The following IPO11 variants were observed in gnomAD, a reference collection of about 807,000 sequenced individuals.
IPO11 encodes the protein importin 11, also known as importin-11.
Under a neutral mutation model 143.2 loss-of-function variants are expected in IPO11, and 66 were observed. The observed-to-expected ratio is 0.46, with a 90% confidence interval of 0.38 to 0.57. The LOEUF (loss-of-function observed/expected upper bound fraction) is 0.57, where lower values mean the gene tolerates loss of function less well. IPO11 is among the 20% of genes least tolerant of loss of function. IPO11 has a pLI of 0.00. For synonymous variants in IPO11, 385 were observed against 377.8 expected, an observed-to-expected ratio of 1.02 and a Z score of -0.22; for missense variants, 1,026 against 1,141.0, an observed-to-expected ratio of 0.90 and a Z score of 1.45.
chr5:62,431,972 CGG>C (rs1744006280), intron 1 of IPO11, among the ~76,000 whole-genome samples: 1 of 149,914 alleles, frequency 6.7e-6, no homozygotes, highest in African/African-American at 2.4e-5. Context: ...TACATACATA[CGG>C]CATGCAGACC....
chr5:62,443,097 C>T lies in IPO11; in HGVS notation c.239+14C>T. ...TGTAGCACCTCAGTAAGTTCCATCACTTCCCCTATTCCTTGAGTATAATCC... is the reference window on the plus strand; with the variant it reads ...TGTAGCACCTCAGTAAGTTCCATCATTTCCCCTATTCCTTGAGTATAATCC... On this transcript the variant is annotated intron_variant, in intron 3 of 29. Transcript: ENST00000325324. 1 of 1,501,348 alleles carries T rather than the reference C, an allele frequency of 6.7e-7. No individual in the cohort carries two copies. The highest frequency in any genetic ancestry group is 1.2e-5 in the South Asian group (1 of 86,382). 93.0% of individuals were successfully genotyped at this position (1,501,348 alleles called of 1,614,324 possible).
At chr5:62,506,459 T>C (rs1741558759) in intron 19 of IPO11, 102 bp downstream of exon 19, 3 of 634,760 alleles carry the variant, frequency 4.7e-6, no homozygotes, top group Admixed American at 5.0e-5. Flanking sequence ...AAAACATTAA[T>C]TGAAATGCTT....
intron 26 of IPO11, among the ~76,000 whole-genome samples, chr5:62,558,418 T>A (rs1223358867): frequency 6.6e-6 from 1 of 152,210 alleles, no homozygotes; most frequent in African/African-American, 2.4e-5. Context: ...ATTCCTGGAA[T>A]AAAGAAACTT....
intron 27 of IPO11, among the ~76,000 whole-genome samples, chr5:62,572,275 G>A (rs1026753792): frequency 4.6e-5 from 7 of 152,144 alleles, no homozygotes; most frequent in South Asian, 2.1e-4. Context: ...CACATATCTC[G>A]TTTTTATTTA....
intron 1 of IPO11, chr5:62,418,984 G>A: frequency 6.5e-7 from 1 of 1,543,286 alleles, no homozygotes; most frequent in African/African-American, 1.4e-5. Flanking sequence ...CAATTTTGTT[G>A]TTCTATGAAC....
rs542186546 is a variant in IPO11 at position 62,484,594 on chromosome 5, A to G, written c.1174+432A>G. ...ACAGGACATCTTTATATCTGTTTGA[A>G]TTTTAGTACTAGATAGATAAGTAGA... On this transcript the variant is annotated intron_variant, in intron 11 of 29. Transcript: ENST00000325324. 3.2e-3 allele frequency among the ~76,000 whole-genome samples: 483 copies of G among 149,178 alleles called. 1 individual carries two copies. Among genetic ancestry groups the G allele is most frequent in the Non-Finnish European group, 5.0e-3 (337 of 67,322 alleles).
chr5:62,568,310 C>T (rs1744024130), intron 27 of IPO11, among the ~76,000 whole-genome samples: 1 of 151,530 alleles, frequency 6.6e-6, no homozygotes, highest in Non-Finnish European at 1.5e-5. Context: ...TCATTTTTTT[C>T]TTCTGCTTGA....
chr5:62,479,057 G>A (rs1017189930), intron 9 of IPO11, among the ~76,000 whole-genome samples: 4 of 152,088 alleles, frequency 2.6e-5, no homozygotes, highest in Admixed American at 1.3e-4. Flanking sequence ...ATTTGCATTA[G>A]GTATTTCTCC....
intron 3 of IPO11, among the ~76,000 whole-genome samples, chr5:62,446,570 G>A (rs72769123): frequency 4.6e-5 from 7 of 152,260 alleles, no homozygotes; most frequent in Non-Finnish European, 8.8e-5. Flanking sequence ...ATCCTCTATT[G>A]TGAAGGGTCT....
chr5:62,580,294 A>G, intron 27 of IPO11: 1 of 1,538,254 alleles, frequency 6.5e-7, no homozygotes, highest in Non-Finnish European at 8.8e-7. Context: ...CTTAAGTCAT[A>G]ATGATTTAGA....
At chr5:62,526,535 A>G (rs186220965) in intron 21 of IPO11, 159 of 256,730 alleles carry the variant, frequency 6.2e-4, no homozygotes, top group African/African-American at 3.4e-3. Context: ...TTTTCCAAAA[A>G]GTTACTGACT....
intron 1 of IPO11, among the ~76,000 whole-genome samples, chr5:62,430,473 A>G (rs541255844): frequency 6.6e-6 from 1 of 151,932 alleles, no homozygotes; most frequent in Admixed American, 6.6e-5. Flanking sequence ...GGCGTGTGCC[A>G]TCACACCTGA....
chr5:62,452,272 A>G (rs1744961224), intron 5 of IPO11, among the ~76,000 whole-genome samples: 1 of 151,070 alleles, frequency 6.6e-6, no homozygotes, highest in Non-Finnish European at 1.5e-5. Flanking sequence ...ATAAAAAAAG[A>G]AAATTGTGCT....
intron 26 of IPO11, among the ~76,000 whole-genome samples, chr5:62,556,636 C>T (rs539346138): frequency 1.3e-5 from 2 of 152,190 alleles, no homozygotes; most frequent in South Asian, 2.1e-4. Flanking sequence ...GATCACTGCA[C>T]TCCAGACTGG....
intron 3 of IPO11, among the ~76,000 whole-genome samples, chr5:62,446,469 T>C (rs1744725616): frequency 6.6e-6 from 1 of 152,260 alleles, no homozygotes; most frequent in Admixed American, 6.5e-5. Flanking sequence ...TGATCTTTCA[T>C]TTTAGTCATT....
intron 20 of IPO11, among the ~76,000 whole-genome samples, chr5:62,522,017 TTTAG>T (rs1178875493): frequency 1.3e-5 from 2 of 152,128 alleles, no homozygotes; most frequent in Admixed American, 6.6e-5. Context: ...CTGTTTTCTA[TTTAG>T]TTAGTTGTTT....
intron 1 of IPO11, chr5:62,419,016 G>A (rs1335449373): frequency 1.9e-6 from 3 of 1,550,182 alleles, no homozygotes; most frequent in East Asian, 2.4e-5. Context: ...AAACCTAGAT[G>A]GTACAGCCTA....
At chr5:62,480,466 A>G (rs1051854566) in intron 9 of IPO11, among the ~76,000 whole-genome samples, 1 of 152,036 alleles carries the variant, frequency 6.6e-6, no homozygotes, top group African/African-American at 2.4e-5. Flanking sequence ...TTTTTTTCCA[A>G]TTCTGTGAAG....
chr5:62,595,913 T>C (rs938815968), intron 28 of IPO11, among the ~76,000 whole-genome samples: 27 of 151,812 alleles, frequency 1.8e-4, no homozygotes, highest in African/African-American at 6.3e-4. Flanking sequence ...AAAGGAATAT[T>C]GGGAAATGAA....
Sources: gnomAD v4.1 joint callset for allele counts (sites outside exome capture counted in the v4.1 genomes callset) on GRCh38, gnomAD v4.1.1 for gene constraint, MANE v1.5 for transcripts, NCBI Gene and HGNC (gene_info 2026-07-23, HGNC 2026-07-21) for gene names.